DEFB134: variants seen among roughly 807,000 people sequenced by gnomAD.
DEFB134 encodes the protein beta-defensin 134.
A neutral mutation model predicts 7.4 loss-of-function variants in DEFB134; 7 were observed. The ratio of observed to expected loss-of-function variants is 0.95; its 90% CI spans 0.54 to 1.79. The LOEUF is 1.79. DEFB134 is among the 40% of genes most tolerant of loss of function. The pLI is 0.00. For synonymous variants in DEFB134, 33 were observed against 25.0 expected (o/e 1.32, Z -0.96); for missense variants, 105 against 74.8 (o/e 1.40, Z -1.49).
chr8:12,000,062 C>A (rs1355161637), upstream of DEFB134, among the ~76,000 whole-genome samples: 1 of 152,218 alleles, frequency 6.6e-6, no homozygotes, highest in Non-Finnish European at 1.5e-5. Context: ...ATTGAAATGT[C>A]CCTGTCTGAC....
At chr8:11,999,987 A>T (rs995623772), upstream of DEFB134, among the ~76,000 whole-genome samples, 1 of 152,168 alleles carries the variant, frequency 6.6e-6, no homozygotes, top group African/African-American at 2.4e-5. Context: ...CTTTAGGGTC[A>T]TCATGCTACT....
chr8:11,997,724 G>A (rs768305667), upstream of DEFB134, among the ~76,000 whole-genome samples: 5 of 152,112 alleles, frequency 3.3e-5, no homozygotes, highest in African/African-American at 9.7e-5. Context: ...TATAAAACAA[G>A]TTCTTAGAGA....
intron 1 of DEFB134, among the ~76,000 whole-genome samples, chr8:11,995,926 A>C (rs763449189): frequency 6.7e-6 from 1 of 148,502 alleles, no homozygotes; most frequent in Non-Finnish European, 1.5e-5. Flanking sequence ...CAAATGAAGA[A>C]ACTAAGGCTC....
chr8:11,995,578 T>C (rs1456897395), intron 1 of DEFB134, among the ~76,000 whole-genome samples: 5 of 152,350 alleles, frequency 3.3e-5, no homozygotes, highest in African/African-American at 1.2e-4. Context: ...ATTTCTTCTA[T>C]CACATAAAGC....
chr8:11,995,450 G>A (rs147975697), intron 1 of DEFB134, among the ~76,000 whole-genome samples: 39 of 152,320 alleles, frequency 2.6e-4, no homozygotes, highest in South Asian at 6.2e-4. Context: ...GTAACACTGA[G>A]TGAAAAGAAT....
chr8:11,994,977 A>C (rs1800079497), intron 1 of DEFB134, among the ~76,000 whole-genome samples: 1 of 152,226 alleles, frequency 6.6e-6, no homozygotes, highest in African/African-American at 2.4e-5. Context: ...ATTGAAGCTC[A>C]AGGAATCTGT....
At chr8:11,999,004 G>T (rs140129519), upstream of DEFB134, 37 of 152,592 alleles carry the variant, frequency 2.4e-4, no homozygotes, top group East Asian at 5.8e-3. Flanking sequence ...GAATGCCTGA[G>T]CAAACCAATA....
At chr8:11,997,790 C>A (rs1046146529), upstream of DEFB134, among the ~76,000 whole-genome samples, 2 of 152,190 alleles carry the variant, frequency 1.3e-5, no homozygotes, top group African/African-American at 4.8e-5. Flanking sequence ...TGACACCCCA[C>A]TGACAGTGTT....
chr8:11,996,414 G>C (rs1189445860), upstream of DEFB134: 1 of 570,492 alleles, frequency 1.8e-6, no homozygotes, highest in African/African-American at 1.9e-5. Context: ...AGGCAGCCGT[G>C]TTGGCAATGC....
chr8:11,997,221 A>C (rs1296830209), upstream of DEFB134, among the ~76,000 whole-genome samples: 1 of 152,134 alleles, frequency 6.6e-6, no homozygotes, highest in Non-Finnish European at 1.5e-5. Flanking sequence ...TAATTATTTG[A>C]GATTCGTCCT....
At chr8:12,000,493 A>G (rs1426367503), upstream of DEFB134, among the ~76,000 whole-genome samples, 1 of 152,206 alleles carries the variant, frequency 6.6e-6, no homozygotes. Context: ...CAAGACCCCC[A>G]GTAGATGCTT....
upstream of DEFB134, among the ~76,000 whole-genome samples, chr8:11,998,564 A>G (rs1800186278): frequency 1.3e-5 from 2 of 152,200 alleles, no homozygotes; most frequent in Non-Finnish European, 2.9e-5. Flanking sequence ...GAACATTTAT[A>G]GCATGAAAAT....
chr8:12,000,306 C>T (rs904748501), upstream of DEFB134, among the ~76,000 whole-genome samples: 81 of 152,050 alleles, frequency 5.3e-4, no homozygotes, highest in African/African-American at 1.9e-3. Context: ...CTGTGAAATC[C>T]GAGTAGATTC....
At chr8:11,995,613 G>A (rs564929913) in intron 1 of DEFB134, among the ~76,000 whole-genome samples, 17 of 152,144 alleles carry the variant, frequency 1.1e-4, no homozygotes, top group East Asian at 5.8e-4. Context: ...GAAACTAGCC[G>A]TTCTAAATCT....
upstream of DEFB134, among the ~76,000 whole-genome samples, chr8:12,000,347 G>C (rs189713993): frequency 3.3e-5 from 5 of 152,124 alleles, no homozygotes; most frequent in Admixed American, 6.5e-5. Context: ...TTTTACACCA[G>C]TATTGGGCTG....
exon 2 of DEFB134, chr8:11,993,833 A>G: frequency 3.7e-6 from 4 of 1,088,154 alleles, no homozygotes; most frequent in Non-Finnish European, 5.0e-6. Context: ...ATTTAAGACC[A>G]CAAGAGTCTG....
At chr8:11,994,028 G>A in exon 2 of DEFB134, 3 of 1,613,934 alleles carry the variant, frequency 1.9e-6, no homozygotes, top group Non-Finnish European at 2.5e-6. Flanking sequence ...GAAACATACA[G>A]TAGGCAACTA....
upstream of DEFB134, among the ~76,000 whole-genome samples, chr8:11,998,023 A>G (rs1800171898): frequency 6.6e-6 from 1 of 152,220 alleles, no homozygotes; most frequent in Admixed American, 6.5e-5. Context: ...ACATTCTCAG[A>G]CCGCAATGCA....
At chr8:11,998,222 G>T (rs975190517), upstream of DEFB134, among the ~76,000 whole-genome samples, 3 of 152,088 alleles carry the variant, frequency 2.0e-5, no homozygotes, top group African/African-American at 7.2e-5. Flanking sequence ...GTTAAGGAAG[G>T]TGGATCACTT....
Sources: gnomAD v4.1 joint callset for allele counts (sites outside exome capture counted in the v4.1 genomes callset) on GRCh38, gnomAD v4.1.1 for gene constraint, MANE v1.5 for transcripts, NCBI Gene and HGNC (gene_info 2026-07-23, HGNC 2026-07-21) for gene names.